The following KAZN variants were observed in gnomAD, a reference collection of about 807,000 sequenced individuals.
KAZN encodes the protein kazrin, periplakin interacting protein.
In KAZN, 40 loss-of-function variants were observed where a neutral mutation model predicts 87.4. That is an observed-to-expected ratio of 0.46 (90% CI 0.36 to 0.60). The LOEUF (loss-of-function observed/expected upper bound fraction) is 0.60, where lower values mean the gene tolerates loss of function less well. Among genes scored for constraint, KAZN ranks in the 20% least tolerant of loss-of-function variants. The pLI is 0.00. For synonymous variants in KAZN, 466 were observed against 458.3 expected (o/e 1.02, Z -0.22); for missense variants, 898 against 1,073.9 (o/e 0.84, Z 2.29).
At chr1:14,005,781 C>T (rs919552492) in intron 1 of KAZN, among the ~76,000 whole-genome samples, 3 of 152,172 alleles carry the variant, frequency 2.0e-5, no homozygotes, top group African/African-American at 7.2e-5. Flanking sequence ...CAATGGGGCT[C>T]TTCAGATTCA....
At chr1:14,022,918 A>G (rs1237478820) in intron 1 of KAZN, among the ~76,000 whole-genome samples, 1 of 152,174 alleles carries the variant, frequency 6.6e-6, no homozygotes, top group Admixed American at 6.5e-5. Flanking sequence ...ACTTTTGAGC[A>G]GGTTTCTTAA....
intron 2 of KAZN, among the ~76,000 whole-genome samples, chr1:14,552,193 G>A (rs67712244): frequency 0.1 from 15,305 of 152,188 alleles, 844 homozygotes; most frequent in South Asian, 0.21. Flanking sequence ...GGGTTTCTGA[G>A]AACGGGCAGC....
chr1:14,489,355 T>TTA (rs919109690), intron 2 of KAZN, among the ~76,000 whole-genome samples: 14 of 152,174 alleles, frequency 9.2e-5, no homozygotes, highest in African/African-American at 3.1e-4. Flanking sequence ...CGGGATAAAA[T>TTA]TATATATATA....
At chr1:14,408,416 C>G (rs1664042425) in intron 2 of KAZN, among the ~76,000 whole-genome samples, 1 of 152,144 alleles carries the variant, frequency 6.6e-6, no homozygotes, top group Non-Finnish European at 1.5e-5. Context: ...GGGGGAAAGC[C>G]AGATGTATTA....
intron 1 of KAZN, among the ~76,000 whole-genome samples, chr1:14,137,682 G>A (rs996306456): frequency 1.4e-5 from 2 of 145,248 alleles, no homozygotes; most frequent in African/African-American, 5.1e-5. Flanking sequence ...TGGTGAGTAA[G>A]CCTACAACAA....
At chr1:13,981,233 T>TA (rs1397664664) in intron 1 of KAZN, among the ~76,000 whole-genome samples, 1 of 146,570 alleles carries the variant, frequency 6.8e-6, no homozygotes, top group Non-Finnish European at 1.5e-5. Flanking sequence ...TCACAATTTT[T>TA]AAAAAGTTAA....
intron 2 of KAZN, among the ~76,000 whole-genome samples, chr1:14,967,044 G>A (rs1404160996): frequency 6.6e-6 from 1 of 152,206 alleles, no homozygotes; most frequent in Non-Finnish European, 1.5e-5. Flanking sequence ...GGTGGGAAGG[G>A]ACACCTGATG....
chr1:14,247,051 G>C (rs1649581524), intron 2 of KAZN, among the ~76,000 whole-genome samples: 1 of 152,130 alleles, frequency 6.6e-6, no homozygotes, highest in Non-Finnish European at 1.5e-5. Flanking sequence ...GCACGTTATT[G>C]TCTGACTTTT....
At chr1:15,010,643 G>A (rs1669488317) in intron 2 of KAZN, among the ~76,000 whole-genome samples, 1 of 152,096 alleles carries the variant, frequency 6.6e-6, no homozygotes. Flanking sequence ...CACCCACCTT[G>A]GCCTCCCAAA....
intron 2 of KAZN, among the ~76,000 whole-genome samples, chr1:14,591,225 A>C (rs1676180515): frequency 6.6e-6 from 1 of 151,972 alleles, no homozygotes; most frequent in African/African-American, 2.4e-5. Flanking sequence ...TCAGTCAGGC[A>C]AGATGCCCAG....
rs866575677 is a variant in KAZN, at chr1:13,981,093, A to C, written c.91+87337A>C. ...AGAGGTATAAAAAATTACTCTTTAT[A>C]TATATATATATATATATGTATATAT... On this transcript the variant is annotated intron_variant, in intron 1 of 16. Transcript: ENST00000636203. 3.1e-3 allele frequency among the ~76,000 whole-genome samples: 239 copies of C among 78,150 alleles called. 8 individuals carry two copies. The highest frequency in any genetic ancestry group is 0.011 in the African/African-American group (231 of 21,802). 51.3% of individuals were successfully genotyped at this position (78,150 alleles called of 152,430 possible). A position where few individuals can be genotyped will look rare whatever the true frequency, so the allele number is the denominator to read the frequency against.
intron 2 of KAZN, among the ~76,000 whole-genome samples, chr1:14,383,477 T>G (rs1214484699): frequency 6.6e-6 from 1 of 151,970 alleles, no homozygotes; most frequent in South Asian, 2.1e-4. Flanking sequence ...TAATCCATCT[T>G]GAATTGATTT....
At chr1:14,614,278 A>G (rs1678044508) in intron 1 of KAZN, among the ~76,000 whole-genome samples, 1 of 152,166 alleles carries the variant, frequency 6.6e-6, no homozygotes, top group Non-Finnish European at 1.5e-5. Flanking sequence ...CTCTGCAAAC[A>G]CCCTAAGCTG....
intron 1 of KAZN, among the ~76,000 whole-genome samples, chr1:14,141,083 C>T (rs557331940): frequency 5.9e-5 from 9 of 152,046 alleles, no homozygotes; most frequent in South Asian, 2.1e-4. Flanking sequence ...CCTCCCTGGA[C>T]GCCGTTCTGG....
intron 4 of KAZN, among the ~76,000 whole-genome samples, chr1:15,053,899 T>C (rs574294886): frequency 6.6e-6 from 1 of 152,190 alleles, no homozygotes; most frequent in Non-Finnish European, 1.5e-5. Context: ...CCCTGGAAGC[T>C]GGCAGTGGGA....
rs564051625 is a variant in KAZN, at chr1:14,483,005, C to T, written c.250-115978C>T. The stretch of plus-strand genomic sequence containing the variant: ...TCGTTCCTGTTTCACAGAGCTGTTC[C>T]GAGACTTAAATGAATGAATATATGC... On this transcript the variant is annotated intron_variant, in intron 2 of 16. Transcript: ENST00000636203. 1.0e-4 allele frequency among the ~76,000 whole-genome samples: 14 copies of T among 135,942 alleles called. 1 individual carries two copies. The South Asian group carries it at 1.3e-3, about 13-fold the overall frequency. 89.2% of individuals were successfully genotyped at this position (135,942 alleles called of 152,430 possible).
Position 14,109,902 on chromosome 1 carries a change from A to T in KAZN, c.92-70533A>T, listed in dbSNP as rs1644464237. ...AGCTGTAAAAATCTGTTCTAAAAGGATGGAGGCATTTTTTTCCCCTACCAT... is the reference window on the plus strand; with the variant it reads ...AGCTGTAAAAATCTGTTCTAAAAGGTTGGAGGCATTTTTTTCCCCTACCAT... On this transcript the variant is annotated intron_variant, in intron 1 of 16. Coordinates refer to the KAZN transcript ENST00000636203. Among the ~76,000 whole-genome samples the T allele has an allele frequency of 1.9e-5, 2 of 103,190 alleles. 1 individual carries two copies. The highest frequency in any genetic ancestry group is 7.9e-5 in the African/African-American group (2 of 25,386). 67.7% of individuals were successfully genotyped at this position (103,190 alleles called of 152,430 possible). A position where few individuals can be genotyped will look rare whatever the true frequency, so the allele number is the denominator to read the frequency against.
At chr1:14,292,838 CT>C (rs1338545557) in intron 2 of KAZN, among the ~76,000 whole-genome samples, 5 of 152,250 alleles carry the variant, frequency 3.3e-5, no homozygotes, top group African/African-American at 1.2e-4. Flanking sequence ...CCCCCTGAAG[CT>C]GATACTGCAG....
chr1:15,049,052 C>T (rs1674004488), intron 4 of KAZN, among the ~76,000 whole-genome samples: 1 of 152,212 alleles, frequency 6.6e-6, no homozygotes. Flanking sequence ...CTTACGGTTT[C>T]GGAGCTGGAG....
Sources: allele counts gnomAD v4.1 joint callset (sites outside exome capture counted in the v4.1 genomes callset), GRCh38; gene constraint gnomAD v4.1.1; transcripts MANE v1.5; gene names NCBI Gene and HGNC (gene_info 2026-07-23, HGNC 2026-07-21).